The following NAA60 variants were observed in gnomAD, a reference collection of about 807,000 sequenced individuals.
NAA60 encodes N-alpha-acetyltransferase 60.
Under a neutral mutation model 26.1 loss-of-function variants are expected in NAA60, and 8 were observed. The observed-to-expected ratio is 0.31, with a 90% confidence interval of 0.18 to 0.55. NAA60 has a LOEUF of 0.55. Ranked by LOEUF, NAA60 falls within the 20% of genes least tolerant of loss-of-function variation. NAA60 has a pLI of 0.93. For missense variants in NAA60, 290 were observed against 311.3 expected (o/e 0.93, Z 0.51); for synonymous variants, 131 against 122.5 (o/e 1.07, Z -0.46).
At chr16:3,465,438 C>T (rs988648119) in intron 2 of NAA60, among the ~76,000 whole-genome samples, 2 of 152,130 alleles carry the variant, frequency 1.3e-5, no homozygotes, top group Non-Finnish European at 2.9e-5. Flanking sequence ...TCCTTGTCAT[C>T]GCCACTTCTG....
intron 2 of NAA60, among the ~76,000 whole-genome samples, chr16:3,454,949 G>A (rs1466869074): frequency 6.6e-6 from 1 of 152,234 alleles, no homozygotes; most frequent in Non-Finnish European, 1.5e-5. Flanking sequence ...GTGCCTAACC[G>A]AATGAACCGT....
chr16:3,468,290 TGAAG>T (rs1417803237), intron 2 of NAA60: 1 of 152,170 alleles, frequency 6.6e-6, no homozygotes, highest in African/African-American at 2.4e-5. Context: ...CAGGTCGGTG[TGAAG>T]GGAGTAGCCT....
At chr16:3,477,470 C>T (rs571513067) in intron 3 of NAA60, among the ~76,000 whole-genome samples, 11 of 152,322 alleles carry the variant, frequency 7.2e-5, no homozygotes, top group African/African-American at 1.9e-4. Context: ...CTGTCACAGT[C>T]CAGGTGATGT....
chr16:3,475,827 A>T (rs2036445005), intron 2 of NAA60, among the ~76,000 whole-genome samples: 1 of 152,186 alleles, frequency 6.6e-6, no homozygotes. Flanking sequence ...TGAACCCACA[A>T]CTGTCACTGG....
rs534068159 is a variant in NAA60, at chr16:3,474,268, A to G, written c.-6-1954A>G. Among the ~76,000 whole-genome samples the G allele has an allele frequency of 2.0e-5, 3 of 152,304 alleles. No individual in the cohort carries two copies. The South Asian group carries it at 6.2e-4, about 32-fold the overall frequency. On this transcript the variant is annotated intron_variant, in intron 2 of 7. Transcript: ENST00000407558. ...TGGCCCTGTCCCAGGTCAAGGGGAT[A>G]CCCCGGGAAGTGGCTGGACTGAGCC...
At position 3,486,339 on chromosome 16, in the gene NAA60, A is replaced by G. The variant is rs1044796387; in HGVS notation, c.*1079A>G. The G allele has an allele frequency of 1.9e-5, 3 of 154,918 alleles. No homozygotes were observed. The highest frequency in any genetic ancestry group is 4.8e-5 in the African/African-American group (2 of 41,482). The allele number at this position is 154,918 out of a possible 1,614,324, so 9.6% of individuals were successfully genotyped here. On this transcript the variant is annotated 3_prime_UTR_variant, in exon 8 of 8. Coordinates refer to ENST00000407558, the MANE Select transcript of NAA60 (RefSeq NM_001083601.3). ...TGGGGTGGGGGGCGGAGTCCCGCCC[A>G]GCATAGCTGCAGTGTCACAAAGCCA...
intron 2 of NAA60, among the ~76,000 whole-genome samples, chr16:3,451,339 T>C (rs2034774948): frequency 6.6e-6 from 1 of 152,218 alleles, no homozygotes; most frequent in Admixed American, 6.5e-5. Flanking sequence ...CTGGAGAACT[T>C]GGGTACTGAG....
At chr16:3,463,103 A>G (rs1488081229) in intron 2 of NAA60, among the ~76,000 whole-genome samples, 1 of 152,164 alleles carries the variant, frequency 6.6e-6, no homozygotes, top group East Asian at 1.9e-4. Context: ...TGCACAAAAC[A>G]CCATGCTACT....
At chr16:3,447,616 C>T (rs1156861908) in intron 1 of NAA60, 5 of 985,246 alleles carry the variant, frequency 5.1e-6, no homozygotes, top group African/African-American at 1.7e-5. Flanking sequence ...ACTAAGGGGG[C>T]CTAGGTAAGC....
At chr16:3,468,022 C>A (rs1461115757) in intron 2 of NAA60, 2 of 152,284 alleles carry the variant, frequency 1.3e-5, no homozygotes, top group East Asian at 3.9e-4. Context: ...TTGGTGCATG[C>A]CCTATGTAAA....
Position 3,464,546 on chromosome 16 carries a change from G to C in NAA60, c.-6-11676G>C, listed in dbSNP as rs117929581. Among the ~76,000 whole-genome samples, 29 of 152,246 alleles carry C rather than the reference G, an allele frequency of 1.9e-4. No individual in the cohort carries two copies. In the East Asian group the frequency reaches 5.4e-3, roughly 28 times the overall value. The stretch of plus-strand genomic sequence containing the variant: ...CCATCTCGCCCGCTGCTTCCTAGGC[G>C]GTACAGAGGGTTTCCTGTAGCCTTA... On this transcript the variant is annotated intron_variant, in intron 2 of 7. Transcript: ENST00000407558.
At chr16:3,464,379 A>G (rs2035605021) in intron 2 of NAA60, among the ~76,000 whole-genome samples, 1 of 152,198 alleles carries the variant, frequency 6.6e-6, no homozygotes. Flanking sequence ...AGCAGAGAGT[A>G]AAAAGCAAAA....
In NAA60 at chr16:3,485,939, CA is replaced by C; in HGVS notation, c.*680del. 3.1e-6 allele frequency: 1 copy of C among 322,848 alleles called. No homozygotes were observed. Among genetic ancestry groups the C allele is most frequent in the Non-Finnish European group, 6.1e-6 (1 of 163,132 alleles). The allele number at this position is 322,848 out of a possible 1,614,324, so 20.0% of individuals were successfully genotyped here. On this transcript the variant is annotated 3_prime_UTR_variant, in exon 8 of 8. Coordinates refer to ENST00000407558, the MANE Select transcript of NAA60 (RefSeq NM_001083601.3). ...TTCCTACTCCTCAGCACCTTCCGTGCAGTTACCAGTGCCCTGGGAGGTCACA... is the reference window on the plus strand; with the variant it reads ...TTCCTACTCCTCAGCACCTTCCGTGCGTTACCAGTGCCCTGGGAGGTCACA...
intron 4 of NAA60, among the ~76,000 whole-genome samples, chr16:3,480,819 T>C (rs1249815519): frequency 6.6e-6 from 1 of 152,050 alleles, no homozygotes; most frequent in East Asian, 1.9e-4. Flanking sequence ...GGCACAAGAA[T>C]CACTTGAACC....
intron 2 of NAA60, among the ~76,000 whole-genome samples, chr16:3,455,747 T>C (rs1459618056): frequency 1.4e-5 from 2 of 144,808 alleles, no homozygotes; most frequent in Non-Finnish European, 3.0e-5. Flanking sequence ...TCTTGCTCTG[T>C]CCCAGACTGG....
intron 7 of NAA60, 93 bp downstream of exon 7, chr16:3,485,154 G>C (rs781394482): frequency 2.5e-6 from 2 of 810,842 alleles, no homozygotes; most frequent in Middle Eastern, 2.2e-4. Flanking sequence ...GGCAGAGCCG[G>C]AAGGGGCCGT....
At chr16:3,481,604 G>A (rs2036841945) in intron 4 of NAA60, among the ~76,000 whole-genome samples, 1 of 152,186 alleles carries the variant, frequency 6.6e-6, no homozygotes, top group Non-Finnish European at 1.5e-5. Flanking sequence ...CTCAGTAGAG[G>A]GCCCTCTGGC....
At chr16:3,457,995 C>G in intron 2 of NAA60, 1 of 985,326 alleles carries the variant, frequency 1.0e-6, no homozygotes, top group Non-Finnish European at 1.2e-6. Flanking sequence ...AATGGGCTTC[C>G]GGGCTGCGCT....
At chr16:3,451,085 C>G (rs1158114374) in intron 2 of NAA60, among the ~76,000 whole-genome samples, 1 of 152,178 alleles carries the variant, frequency 6.6e-6, no homozygotes, top group African/African-American at 2.4e-5. Context: ...CAACAAACAC[C>G]TCTGTTGCAG....
Sources: allele counts gnomAD v4.1 joint callset (sites outside exome capture counted in the v4.1 genomes callset), GRCh38; gene constraint gnomAD v4.1.1; transcripts MANE v1.5; gene names NCBI Gene and HGNC (gene_info 2026-07-23, HGNC 2026-07-21).